Variants in PARD3B observed in about 807,000 individuals in gnomAD.
The protein encoded by PARD3B is par-3 family cell polarity regulator beta.
In PARD3B, 103 loss-of-function variants were observed where a neutral mutation model predicts 130.2. That is an observed-to-expected ratio of 0.79 (90% CI 0.67 to 0.93). The LOEUF is 0.93. PARD3B is among the 40% of genes least tolerant of loss of function. The pLI, the probability that PARD3B is intolerant of heterozygous loss-of-function variation, is 0.00. For missense variants in PARD3B, 1,609 were observed against 1,499.2 expected (o/e 1.07, Z -1.21); for synonymous variants, 583 against 553.2 (o/e 1.05, Z -0.76).
chr2:204,994,652 G>T (rs1224733014), intron 3 of PARD3B, among the ~76,000 whole-genome samples: 1 of 151,972 alleles, frequency 6.6e-6, no homozygotes, highest in East Asian at 1.9e-4. Context: ...TCTGTATCTC[G>T]TTGATCTGTC....
chr2:204,615,757 C>G (rs997094042), intron 1 of PARD3B, among the ~76,000 whole-genome samples: 2 of 152,142 alleles, frequency 1.3e-5, no homozygotes, highest in African/African-American at 4.8e-5. Flanking sequence ...CATGAAAAAA[C>G]TACTGGTTCA....
intron 2 of PARD3B, among the ~76,000 whole-genome samples, chr2:204,779,972 G>C (rs1559138944): frequency 6.6e-6 from 1 of 152,100 alleles, no homozygotes; most frequent in Admixed American, 6.6e-5. Context: ...TGAATGAATT[G>C]GGTTGAGCTG....
chr2:205,166,464 A>G (rs1451517000), intron 11 of PARD3B, among the ~76,000 whole-genome samples: 1 of 152,188 alleles, frequency 6.6e-6, no homozygotes, highest in East Asian at 1.9e-4. Flanking sequence ...TAGAGGTCTT[A>G]TTTGGGAAGA....
rs1334139920 is a variant in PARD3B at position 204,967,887 on chromosome 2, T to C, written c.394+2564T>C. On this transcript the variant is annotated intron_variant, in intron 3 of 22. Coordinates refer to ENST00000406610, the MANE Select transcript of PARD3B (RefSeq NM_001302769.2). This position sits in a 1 kb window ranked among gnomAD's most constrained non-coding sequence, Gnocchi z 4.4. ...CCTGGCTGTCCTGTCTGGTCCACCCTGAAAGCCTGCTTAGGTGAAGAATGG... is the reference window on the plus strand; with the variant it reads ...CCTGGCTGTCCTGTCTGGTCCACCCCGAAAGCCTGCTTAGGTGAAGAATGG... 6.6e-6 allele frequency among the ~76,000 whole-genome samples: 1 copy of C among 152,132 alleles called. No individual in the cohort carries two copies. Among genetic ancestry groups the C allele is most frequent in the Non-Finnish European group, 1.5e-5 (1 of 68,020 alleles).
intron 2 of PARD3B, among the ~76,000 whole-genome samples, chr2:204,833,190 A>G (rs1453531200): frequency 6.6e-6 from 1 of 152,234 alleles, no homozygotes; most frequent in Non-Finnish European, 1.5e-5. Context: ...CACTATAGAT[A>G]AATCTTGGAG....
intron 2 of PARD3B, among the ~76,000 whole-genome samples, chr2:204,807,404 A>G (rs976797097): frequency 2.6e-5 from 4 of 152,174 alleles, no homozygotes; most frequent in Non-Finnish European, 4.4e-5. Flanking sequence ...CGGAATGTAA[A>G]TTAGTACAAC....
chr2:205,235,677 TG>T (rs1322321432), intron 15 of PARD3B, among the ~76,000 whole-genome samples: 1 of 152,188 alleles, frequency 6.6e-6, no homozygotes, highest in Non-Finnish European at 1.5e-5. Flanking sequence ...TGAAGCAAGA[TG>T]GCACAAGATT....
chr2:204,933,526 T>A (rs1336569347), intron 2 of PARD3B, among the ~76,000 whole-genome samples: 1 of 152,198 alleles, frequency 6.6e-6, no homozygotes. Flanking sequence ...GAAACACTGA[T>A]ATTTAGAGGA....
intron 18 of PARD3B, among the ~76,000 whole-genome samples, chr2:205,376,684 T>C (rs1322069116): frequency 2.0e-5 from 3 of 152,086 alleles, no homozygotes; most frequent in Non-Finnish European, 4.4e-5. Flanking sequence ...AAATCCGGAA[T>C]CACTGCCATG....
At chr2:204,945,838 C>A (rs1689277063) in intron 2 of PARD3B, among the ~76,000 whole-genome samples, 1 of 145,728 alleles carries the variant, frequency 6.9e-6, no homozygotes, top group Non-Finnish European at 1.5e-5. Context: ...TCCTGTATTT[C>A]TTTTCCTGTT....
intron 2 of PARD3B, among the ~76,000 whole-genome samples, chr2:204,784,051 G>A (rs1192831866): frequency 6.6e-6 from 1 of 152,042 alleles, no homozygotes; most frequent in African/African-American, 2.4e-5. Flanking sequence ...TAGAATCAAC[G>A]ACCTAGTTGG....
chr2:205,193,626 C>T (rs10932099), intron 15 of PARD3B, among the ~76,000 whole-genome samples: 74,566 of 152,046 alleles, frequency 0.49, 18,780 homozygotes, highest in African/African-American at 0.56. Context: ...TTATCTCATC[C>T]ATCTGCCTTT....
At chr2:205,224,370 C>CAAAAAAAAAAAAA (rs1231030778) in intron 15 of PARD3B, among the ~76,000 whole-genome samples, 1 of 55,974 alleles carries the variant, frequency 1.8e-5, no homozygotes, top group Non-Finnish European at 2.9e-5. Context: ...GACTCCGTCT[C>CAAAAAAAAAAAAA]AAAAAAAAAA....
chr2:205,493,727 T>TG (rs2049816871), intron 20 of PARD3B, among the ~76,000 whole-genome samples: 1 of 34,028 alleles, frequency 2.9e-5, no homozygotes, highest in African/African-American at 8.4e-5. Context: ...TATGTATGTA[T>TG]TTATTTATTT....
chr2:205,540,006 A>G (rs1238520642), intron 21 of PARD3B, among the ~76,000 whole-genome samples: 1 of 152,226 alleles, frequency 6.6e-6, no homozygotes, highest in East Asian at 1.9e-4. Context: ...TAGTATCACT[A>G]CTCAGCTTGC....
At chr2:205,051,504 G>C (rs562592432) in intron 4 of PARD3B, among the ~76,000 whole-genome samples, 2 of 152,172 alleles carry the variant, frequency 1.3e-5, no homozygotes, top group Non-Finnish European at 2.9e-5. Context: ...ATAAGAAGCT[G>C]TAAGGATGAA....
At chr2:205,070,784 C>T (rs778229461) in intron 4 of PARD3B, among the ~76,000 whole-genome samples, 56 of 152,234 alleles carry the variant, frequency 3.7e-4, no homozygotes, top group Non-Finnish European at 2.2e-4. Context: ...CATTTGTGAA[C>T]TAACTTTGTC....
intron 2 of PARD3B, among the ~76,000 whole-genome samples, chr2:204,737,282 A>G (rs1220401786): frequency 6.6e-6 from 1 of 152,184 alleles, no homozygotes; most frequent in African/African-American, 2.4e-5. Flanking sequence ...AATCGTGGCC[A>G]TTCTTGCAGG....
intron 2 of PARD3B, among the ~76,000 whole-genome samples, chr2:204,816,966 G>A (rs1356940359): frequency 6.6e-6 from 1 of 151,842 alleles, no homozygotes. Flanking sequence ...CTATTGCTAT[G>A]TCTAGGCTCA....
Sources: allele counts gnomAD v4.1 joint callset (sites outside exome capture counted in the v4.1 genomes callset), GRCh38; gene constraint gnomAD v4.1.1; non-coding constraint Gnocchi (gnomAD v3.1); transcripts MANE v1.5; gene names NCBI Gene and HGNC (gene_info 2026-07-23, HGNC 2026-07-21).